Variants in ECE1 observed in about 807,000 individuals in gnomAD.
ECE1 encodes the protein endothelin-converting enzyme 1.
ECE1 carries 35 observed loss-of-function variants against 98.6 expected under a neutral mutation model. The ratio of observed to expected loss-of-function variants is 0.35; its 90% confidence interval spans 0.27 to 0.47. The LOEUF is 0.47. Among genes scored for constraint, ECE1 ranks in the 20% least tolerant of loss-of-function variants. ECE1 has a pLI of 1.00. For synonymous variants in ECE1, 394 were observed against 407.1 expected, an observed-to-expected ratio of 0.97 and a Z score of 0.39; for missense variants, 814 against 1,025.3, an observed-to-expected ratio of 0.79 and a Z score of 2.81.
chr1:21,286,483 A>G (rs1488506159), intron 2 of ECE1, among the ~76,000 whole-genome samples: 1 of 152,230 alleles, frequency 6.6e-6, no homozygotes, highest in Non-Finnish European at 1.5e-5. Flanking sequence ...TTTTACAAAG[A>G]AAGCTGTGGA....
chr1:21,332,611 GA>G (rs1209568983), intron 1 of ECE1, among the ~76,000 whole-genome samples: 1 of 72,094 alleles, frequency 1.4e-5, no homozygotes, highest in Non-Finnish European at 2.7e-5. Context: ...AGGAGGGGGG[GA>G]GAGAGATAGG....
In ECE1 at chr1:21,220,006, G is replaced by A. The variant is rs750929744; in HGVS notation, c.2262C>T (p.Arg754=). 9 of 1,614,128 alleles carry A rather than the reference G, an allele frequency of 5.6e-6. No homozygotes were observed. The highest frequency in any genetic ancestry group is 3.3e-5 in the Admixed American group (2 of 60,006). ...SNSKEFSEHF[R]CPPGSPMNPP... is the part of the protein sequence containing the mutation. ...GGTTCATGGGTGAGCCAGGTGGGCA[G>A]CGGAAGTGTTCTGAGAACTCCTTGG... is the stretch of plus-strand genomic sequence containing the variant. Residue 754 remains arginine (R), a synonymous_variant, in exon 19 of 19, where the codon CGC becomes CGT. Transcript: ENST00000374893. This position sits in a 1 kb window ranked among gnomAD's most constrained non-coding sequence, Gnocchi z 5.0.
intron 17 of ECE1, among the ~76,000 whole-genome samples, chr1:21,222,509 C>G (rs1389246769): frequency 6.6e-6 from 1 of 152,126 alleles, no homozygotes; most frequent in African/African-American, 2.4e-5. Flanking sequence ...GGCTAATGGT[C>G]ACCGCTGCAA....
intron 4 of ECE1, chr1:21,266,640 C>T (rs2098234321): frequency 1.3e-5 from 2 of 152,214 alleles, no homozygotes; most frequent in Admixed American, 1.3e-4. Flanking sequence ...GCATGCTGGA[C>T]TTCTAAGCCT....
chr1:21,241,945 C>T (rs1288340368), intron 10 of ECE1, among the ~76,000 whole-genome samples: 1 of 152,164 alleles, frequency 6.6e-6, no homozygotes, highest in Non-Finnish European at 1.5e-5. Context: ...AGGCAGCCTC[C>T]TCCACCCTGA....
Position 21,307,820 on chromosome 1 carries a change from AGAGGCCCTGCCCCCTTGAGAGG to A in ECE1, c.4-17686_4-17665del, listed in dbSNP as rs572629102. On this transcript the variant is annotated intron_variant, in intron 1 of 18. Coordinates refer to the ECE1 transcript ENST00000415912. The surrounding 1 kb of genome is among the most constrained non-coding windows in gnomAD (Gnocchi z 4.2). The stretch of plus-strand genomic sequence containing the variant: ...TATGAAAGGTGGCCAGGCACAGGAA[AGAGGCCCTGCCCCCTTGAGAGG>A]GAGGCCCTGCCCCCTTGAGAGGTTG... 1.6e-4 allele frequency among the ~76,000 whole-genome samples: 24 copies of A among 152,138 alleles called. No individual in the cohort carries two copies. The highest frequency in any genetic ancestry group is 4.3e-4 in the African/African-American group (18 of 41,434).
rs986298950 is a variant in ECE1 at position 21,232,782 on chromosome 1, G to A, written c.1670+776C>T. On this transcript the variant is annotated intron_variant, in intron 14 of 18. Transcript: ENST00000374893. ...CGCCTCCCGGGTTCAAGCAATTCTC[G>A]TGCCTCAGCTACTCACTCCTGAGTA... 5.3e-5 allele frequency among the ~76,000 whole-genome samples: 8 copies of A among 150,572 alleles called. No individual in the cohort carries two copies. The East Asian group carries it at 1.6e-3, about 30-fold the overall frequency.
At chr1:21,296,225 G>A (rs1195696258) in intron 1 of ECE1, among the ~76,000 whole-genome samples, 1 of 152,082 alleles carries the variant, frequency 6.6e-6, no homozygotes, top group Non-Finnish European at 1.5e-5. Context: ...TAGAAATCAT[G>A]TACCCTTCAG....
intron 5 of ECE1, among the ~76,000 whole-genome samples, chr1:21,259,413 G>A (rs1573979299): frequency 6.6e-6 from 1 of 152,074 alleles, no homozygotes; most frequent in African/African-American, 2.4e-5. Flanking sequence ...GACTACAGGT[G>A]TGTATCACCA....
Position 21,322,199 on chromosome 1 carries a change from G to C in ECE1, c.3+23177C>G, listed in dbSNP as rs1638979347. ...AGAAACAGGGGCTCAGAAAGAAGTG[G>C]CAAGGCGGCTTCTCAGTGAGATGGA... On this transcript the variant is annotated intron_variant, in intron 1 of 18. Transcript: ENST00000415912. This position sits in a 1 kb window ranked among gnomAD's most constrained non-coding sequence, Gnocchi z 4.1. 6.6e-6 allele frequency among the ~76,000 whole-genome samples: 1 copy of C among 152,174 alleles called. No homozygotes were observed. Among genetic ancestry groups the C allele is most frequent in the African/African-American group, 2.4e-5 (1 of 41,438 alleles).
intron 3 of ECE1, among the ~76,000 whole-genome samples, chr1:21,275,123 G>A (rs180687353): frequency 2.3e-3 from 351 of 152,336 alleles, no homozygotes; most frequent in Non-Finnish European, 4.2e-3. Flanking sequence ...ATCTTGGCTG[G>A]TGGAGATGCC....
At chr1:21,274,942 G>A (rs1167151701) in intron 3 of ECE1, among the ~76,000 whole-genome samples, 1 of 152,180 alleles carries the variant, frequency 6.6e-6, no homozygotes, top group Non-Finnish European at 1.5e-5. Flanking sequence ...ACAGTTGCAT[G>A]CTCCACTCCC....
intron 1 of ECE1, among the ~76,000 whole-genome samples, chr1:21,313,299 G>T (rs1320330148): frequency 6.6e-6 from 1 of 152,198 alleles, no homozygotes; most frequent in Non-Finnish European, 1.5e-5. Flanking sequence ...CCCAGGCTCA[G>T]CTTCCCATCT....
chr1:21,333,270 C>A (rs1639241236), intron 1 of ECE1, among the ~76,000 whole-genome samples: 1 of 151,210 alleles, frequency 6.6e-6, no homozygotes, highest in Non-Finnish European at 1.5e-5. Flanking sequence ...CACTTAGTGC[C>A]TCCGCCTCCC....
At position 21,245,027 on chromosome 1, in the gene ECE1, C is replaced by G; in HGVS notation, c.1240G>C (p.Asp414His). The change falls in exon 10 of 19, where the codon GAT becomes CAT. Residue 414 changes from aspartate (D) to histidine (H), a missense_variant. Around this residue, in one of 3 missense-constraint regions of ECE1, gnomAD observed 452 missense variants for 567.3 expected, o/e 0.80. Transcript: ENST00000374893. ...TACATGACTTCCATGAACTTCTCAT[C>G]GGCGTCCTGAAAGCGCTGGTCAAGG... ...SFLDQRFQDADEKFMEVMYGT... is the reference protein window; with the variant it reads ...SFLDQRFQDAHEKFMEVMYGT... 1 of 1,614,194 alleles carries G rather than the reference C, an allele frequency of 6.2e-7. No individual in the cohort carries two copies. Among genetic ancestry groups the G allele is most frequent in the South Asian group, 1.1e-5 (1 of 91,084 alleles).
chr1:21,247,463 G>T, intron 8 of ECE1, 100 bp from the exon 9 acceptor site: 1 of 1,578,096 alleles, frequency 6.3e-7, no homozygotes, highest in Non-Finnish European at 8.7e-7. Flanking sequence ...AAGAGCTTGG[G>T]CTTGGCGCCA....
In ECE1 at chr1:21,220,181, C is replaced by T; in HGVS notation, c.2137-50G>A. The stretch of plus-strand genomic sequence containing the variant: ...CCAGGGTCACTGTGGGGCCCTCGGG[C>T]TGCCAGACTGCCCCCATTATAACAG... On this transcript the variant is annotated intron_variant, in intron 18 of 18. Transcript: ENST00000374893. The surrounding 1 kb of genome is among the most constrained non-coding windows in gnomAD (Gnocchi z 5.0). 1 of 1,565,820 alleles carries T rather than the reference C, an allele frequency of 6.4e-7. No individual in the cohort carries two copies. Among genetic ancestry groups the T allele is most frequent in the Non-Finnish European group, 8.7e-7 (1 of 1,152,484 alleles).
chr1:21,254,106 C>T (rs2098216864), intron 8 of ECE1, among the ~76,000 whole-genome samples: 1 of 150,910 alleles, frequency 6.6e-6, no homozygotes, highest in Admixed American at 6.6e-5. Flanking sequence ...GAACCACAGT[C>T]CCTTGTGAGG....
chr1:21,329,621 C>T (rs939847748), intron 1 of ECE1, among the ~76,000 whole-genome samples: 3 of 152,224 alleles, frequency 2.0e-5, no homozygotes, highest in East Asian at 1.9e-4. Context: ...ATGCAAAGCA[C>T]AGTTCATGTG....
Sources: gnomAD v4.1 joint callset for allele counts (sites outside exome capture counted in the v4.1 genomes callset) on GRCh38, gnomAD v4.1.1 for gene constraint, gnomAD v4.1.1 regional missense constraint, Gnocchi (gnomAD v3.1) non-coding constraint, MANE v1.5 for transcripts, NCBI Gene and HGNC (gene_info 2026-07-23, HGNC 2026-07-21) for gene names.